CYTH1: variants seen among roughly 807,000 people sequenced by gnomAD.
The protein encoded by CYTH1 is cytohesin-1.
CYTH1 carries 18 observed loss-of-function variants against 61.8 expected under a neutral mutation model. The observed-to-expected ratio is 0.29, with a 90% CI of 0.20 to 0.43. The LOEUF (loss-of-function observed/expected upper bound fraction) is 0.43, where lower values mean the gene tolerates loss of function less well. CYTH1 is among the 20% of genes least tolerant of loss of function. CYTH1 has a pLI of 1.00. For missense variants in CYTH1, 336 were observed against 510.5 expected (o/e 0.66, Z 3.29); for synonymous variants, 174 against 184.3 (o/e 0.94, Z 0.45).
chr17:78,735,238 A>C (rs1224771491), intron 1 of CYTH1, among the ~76,000 whole-genome samples: 2 of 152,142 alleles, frequency 1.3e-5, no homozygotes, highest in Non-Finnish European at 2.9e-5. Flanking sequence ...AGGGTAGTTC[A>C]TGTTGACTTT....
At chr17:78,772,777 C>G (rs2093476653) in intron 1 of CYTH1, among the ~76,000 whole-genome samples, 1 of 151,972 alleles carries the variant, frequency 6.6e-6, no homozygotes, top group Admixed American at 6.6e-5. Context: ...ACCTCATGAT[C>G]CGGCCACCTT....
intron 11 of CYTH1, among the ~76,000 whole-genome samples, chr17:78,686,388 G>C (rs1181734588): frequency 2.0e-5 from 3 of 152,148 alleles, no homozygotes; most frequent in African/African-American, 7.2e-5. Context: ...CGGAAACCTT[G>C]CTTTTCTGGC....
At chr17:78,753,077 G>A (rs1017095854) in intron 1 of CYTH1, among the ~76,000 whole-genome samples, 25 of 152,162 alleles carry the variant, frequency 1.6e-4, no homozygotes, top group African/African-American at 6.0e-4. Context: ...TGTAGGGCAG[G>A]GTGGGAGAGG....
At chr17:78,761,303 C>T (rs979046644) in intron 1 of CYTH1, among the ~76,000 whole-genome samples, 1 of 152,188 alleles carries the variant, frequency 6.6e-6, no homozygotes, top group Admixed American at 6.5e-5. Context: ...ACAGGAACTG[C>T]TTTTTCTAGT....
At chr17:78,695,449 C>T (rs2092929034) in intron 10 of CYTH1, among the ~76,000 whole-genome samples, 1 of 152,126 alleles carries the variant, frequency 6.6e-6, no homozygotes, top group Non-Finnish European at 1.5e-5. Flanking sequence ...CGTGCAAAGG[C>T]AAATGTCTTA....
At chr17:78,756,258 TAG>T (rs1182347028) in intron 1 of CYTH1, among the ~76,000 whole-genome samples, 1 of 151,804 alleles carries the variant, frequency 6.6e-6, no homozygotes, top group Admixed American at 6.6e-5. Flanking sequence ...GTATTTTTAG[TAG>T]AGACAGGGTT....
At chr17:78,760,530 T>TAC (rs1350469199) in intron 1 of CYTH1, among the ~76,000 whole-genome samples, 6 of 36,370 alleles carry the variant, frequency 1.6e-4, no homozygotes, top group Admixed American at 1.4e-3. Flanking sequence ...TATATATATA[T>TAC]ACATACATAT....
In CYTH1 at chr17:78,760,471, GTATA is replaced by G; in HGVS notation, c.22+21727_22+21730del. The stretch of plus-strand genomic sequence containing the variant: ...TATATATATACATACATATATATAT[GTATA>G]TATATGTATGTATATATATATACAT... On this transcript the variant is annotated intron_variant, in intron 1 of 13. Transcript: ENST00000446868. Among the ~76,000 whole-genome samples the G allele has an allele frequency of 7.5e-5, 2 of 26,804 alleles. 1 individual carries two copies. The highest frequency in any genetic ancestry group is 2.1e-3 in the South Asian group (2 of 968). The allele number at this position is 26,804 out of a possible 152,430, so 17.6% of individuals were successfully genotyped here. A position where few individuals can be genotyped will look rare whatever the true frequency, so the allele number is the denominator to read the frequency against.
At chr17:78,779,350 A>C (rs1348976314) in intron 1 of CYTH1, among the ~76,000 whole-genome samples, 1 of 140,156 alleles carries the variant, frequency 7.1e-6, no homozygotes, top group African/African-American at 2.7e-5. Flanking sequence ...CAGTGAGCCG[A>C]GATTGCGCCA....
chr17:78,780,913 A>G (rs1357583934), intron 1 of CYTH1, among the ~76,000 whole-genome samples: 1 of 152,162 alleles, frequency 6.6e-6, no homozygotes, highest in Non-Finnish European at 1.5e-5. Context: ...AGCCTGAGGC[A>G]GGAGAATCGC....
intron 11 of CYTH1, among the ~76,000 whole-genome samples, chr17:78,689,161 G>A (rs1364926579): frequency 6.6e-6 from 1 of 152,160 alleles, no homozygotes; most frequent in African/African-American, 2.4e-5. Flanking sequence ...CCTGCCACCA[G>A]ATACAGCTGT....
chr17:78,727,588 G>A, intron 1 of CYTH1: 1 of 444,450 alleles, frequency 2.2e-6, no homozygotes, highest in Non-Finnish European at 4.8e-6. Context: ...GTGTAAGAAG[G>A]AGCTGACTAG....
At chr17:78,733,376 A>T (rs2093304841) in intron 1 of CYTH1, among the ~76,000 whole-genome samples, 1 of 152,220 alleles carries the variant, frequency 6.6e-6, no homozygotes, top group Admixed American at 6.5e-5. Context: ...TAAAGACTCA[A>T]TGAGTACAAA....
At chr17:78,771,601 T>C (rs1468086073) in intron 1 of CYTH1, among the ~76,000 whole-genome samples, 1 of 151,556 alleles carries the variant, frequency 6.6e-6, no homozygotes, top group African/African-American at 2.4e-5. Context: ...CATGGTGGCA[T>C]GCACCTGTAA....
chr17:78,726,500 A>G (rs2093267731), intron 1 of CYTH1, among the ~76,000 whole-genome samples: 1 of 152,172 alleles, frequency 6.6e-6, no homozygotes, highest in Non-Finnish European at 1.5e-5. Context: ...TAAAGAAAAA[A>G]GAAACAGGCA....
intron 13 of CYTH1, chr17:78,678,407 G>C (rs1050697922): frequency 1.4e-4 from 21 of 152,386 alleles, no homozygotes; most frequent in African/African-American, 5.1e-4. Flanking sequence ...AGCGTGGTGG[G>C]GGAGCTGGGT....
chr17:78,739,097 T>C (rs2093332224), intron 1 of CYTH1, among the ~76,000 whole-genome samples: 2 of 152,276 alleles, frequency 1.3e-5, no homozygotes, highest in Non-Finnish European at 2.9e-5. Context: ...TCCTCTTTCA[T>C]GAATTGCTTT....
intron 3 of CYTH1, among the ~76,000 whole-genome samples, chr17:78,706,866 G>T (rs1215068265): frequency 6.6e-6 from 1 of 152,086 alleles, no homozygotes; most frequent in Non-Finnish European, 1.5e-5. Flanking sequence ...CTTTTGTAAA[G>T]TGTCCAAGTT....
chr17:78,759,881 A>G (rs955180432), intron 1 of CYTH1, among the ~76,000 whole-genome samples: 7 of 152,214 alleles, frequency 4.6e-5, no homozygotes, highest in African/African-American at 1.4e-4. Context: ...GAGAACAGTT[A>G]GAGGTTCTGA....
Sources: gnomAD v4.1 joint callset for allele counts (sites outside exome capture counted in the v4.1 genomes callset) on GRCh38, gnomAD v4.1.1 for gene constraint, MANE v1.5 for transcripts, NCBI Gene and HGNC (gene_info 2026-07-23, HGNC 2026-07-21) for gene names.